Variants in CUL5 observed in about 807,000 individuals in gnomAD.
CUL5 encodes the protein cullin 5, also known as cullin-5.
A neutral mutation model predicts 108.8 loss-of-function variants in CUL5; 26 were observed. The ratio of observed to expected loss-of-function variants is 0.24; its 90% confidence interval spans 0.18 to 0.33. The LOEUF (loss-of-function observed/expected upper bound fraction) is 0.33, where lower values mean the gene tolerates loss of function less well. CUL5 is among the 10% of genes least tolerant of loss of function. The probability of loss-of-function intolerance (pLI) is 1.00; values close to 1 mark genes in which losing one functional copy is unlikely to be tolerated. For missense variants in CUL5, 524 were observed against 909.2 expected (o/e 0.58, Z 5.45); for synonymous variants, 334 against 298.0 (o/e 1.12, Z -1.25).
At chr11:108,043,936 T>C (rs145021412) in intron 2 of CUL5, among the ~76,000 whole-genome samples, 2,391 of 151,918 alleles carry the variant, frequency 0.016, 61 homozygotes, top group African/African-American at 0.055. Context: ...GGCAGGAGAA[T>C]CATTTGAACC....
At chr11:108,100,096 T>C (rs1864615754) in intron 18 of CUL5, among the ~76,000 whole-genome samples, 1 of 127,984 alleles carries the variant, frequency 7.8e-6, no homozygotes, top group African/African-American at 2.5e-5. Flanking sequence ...TTTTGGAATT[T>C]TACAAATTGT....
At chr11:108,093,257 C>T (rs1379773918) in intron 13 of CUL5, among the ~76,000 whole-genome samples, 4 of 150,916 alleles carry the variant, frequency 2.7e-5, no homozygotes, top group Non-Finnish European at 5.9e-5. Flanking sequence ...AGTTGTCACA[C>T]CCCCTGTAAT....
intron 1 of CUL5, among the ~76,000 whole-genome samples, chr11:108,030,341 T>G (rs1044032082): frequency 2.0e-5 from 3 of 152,186 alleles, no homozygotes; most frequent in Non-Finnish European, 4.4e-5. Context: ...TGGGTCCTTA[T>G]GATAAGAATA....
intron 1 of CUL5, among the ~76,000 whole-genome samples, chr11:108,032,555 G>A (rs745431124): frequency 6.6e-6 from 1 of 151,930 alleles, no homozygotes; most frequent in Non-Finnish European, 1.5e-5. Flanking sequence ...ACTTGAAAAG[G>A]AGTACTAATG....
chr11:108,060,531 G>C (rs1387968344), intron 7 of CUL5, among the ~76,000 whole-genome samples: 4 of 151,860 alleles, frequency 2.6e-5, no homozygotes, highest in Non-Finnish European at 5.9e-5. Flanking sequence ...TATGCAAATT[G>C]AATACCACTA....
intron 2 of CUL5, 33 bp from the exon 3 acceptor site, chr11:108,046,237 A>G (rs761306176): frequency 9.9e-6 from 14 of 1,409,318 alleles, no homozygotes; most frequent in South Asian, 2.4e-5. Context: ...TTGTTTCATT[A>G]TTAATGTTTG....
chr11:108,032,337 T>C (rs2135083773), intron 1 of CUL5, among the ~76,000 whole-genome samples: 1 of 151,898 alleles, frequency 6.6e-6, no homozygotes, highest in Non-Finnish European at 1.5e-5. Context: ...CAAGACCCCA[T>C]CTCTACAAAA....
At position 108,107,747 on chromosome 11, in the gene CUL5, AAATGT is replaced by A. The variant is rs1864834825; in HGVS notation, c.*3367_*3371del. 6.6e-6 allele frequency: 1 copy of A among 152,484 alleles called. No homozygotes were observed. The highest frequency in any genetic ancestry group is 1.5e-5 in the Non-Finnish European group (1 of 68,040). 9.4% of individuals were successfully genotyped at this position (152,484 alleles called of 1,614,324 possible). A position where few individuals can be genotyped will look rare whatever the true frequency, so the allele number is the denominator to read the frequency against. The stretch of plus-strand genomic sequence containing the variant: ...TATAATTTATTTTCTTGCAAAATAA[AAATGT>A]AATATAAAAGCTTTTACCTATCCAG... On this transcript the variant is annotated 3_prime_UTR_variant, in exon 19 of 19. Coordinates refer to ENST00000393094, the MANE Select transcript of CUL5 (RefSeq NM_003478.6).
chr11:108,019,251 A>G (rs1862273783), intron 1 of CUL5, among the ~76,000 whole-genome samples: 1 of 152,098 alleles, frequency 6.6e-6, no homozygotes, highest in African/African-American at 2.4e-5. Flanking sequence ...ACAGATACCA[A>G]GGGACAACTG....
chr11:108,038,662 C>A (rs561452553), intron 2 of CUL5, among the ~76,000 whole-genome samples: 1 of 139,066 alleles, frequency 7.2e-6, no homozygotes, highest in South Asian at 2.3e-4. Flanking sequence ...GAAACAAGAG[C>A]AAAACTCCAT....
intron 2 of CUL5, among the ~76,000 whole-genome samples, chr11:108,035,739 C>G (rs1164539932): frequency 6.7e-6 from 1 of 150,024 alleles, no homozygotes; most frequent in Non-Finnish European, 1.5e-5. Flanking sequence ...TGGGTGACAG[C>G]AAGACCTTGT....
rs568772527 is a variant in CUL5, at chr11:108,064,690, A to G, written c.781-5406A>G. ...ATGCCACTGCATTGCAGCCTGGGCA[A>G]CAGAGTGATACTCTGTCTCAAAAAA... On this transcript the variant is annotated intron_variant, in intron 7 of 18. Transcript: ENST00000393094. Among the ~76,000 whole-genome samples the G allele has an allele frequency of 3.9e-5, 6 of 152,308 alleles. No homozygotes were observed. The East Asian group carries it at 7.7e-4, about 20-fold the overall frequency.
At chr11:108,018,386 G>C (rs1472428935) in intron 1 of CUL5, among the ~76,000 whole-genome samples, 3 of 152,170 alleles carry the variant, frequency 2.0e-5, no homozygotes, top group African/African-American at 7.2e-5. Flanking sequence ...CTCAGAAAAG[G>C]CTGGGGGTGA....
chr11:108,047,446 T>C (rs1274162941), intron 3 of CUL5, among the ~76,000 whole-genome samples: 1 of 152,242 alleles, frequency 6.6e-6, no homozygotes, highest in African/African-American at 2.4e-5. Context: ...TTAAATCGTG[T>C]TATTAAATAC....
At chr11:108,085,036 A>G (rs1177012403) in intron 11 of CUL5, 7 of 152,362 alleles carry the variant, frequency 4.6e-5, no homozygotes, top group African/African-American at 7.2e-5. Context: ...AAGAAGGTCA[A>G]CAGAGTTGCT....
intron 3 of CUL5, among the ~76,000 whole-genome samples, chr11:108,047,222 CAGG>C (rs1863089471): frequency 6.6e-6 from 1 of 152,016 alleles, no homozygotes; most frequent in Non-Finnish European, 1.5e-5. Context: ...GAGGCTGAGG[CAGG>C]AGAATTGTGT....
chr11:108,062,932 G>A (rs1398188614), intron 7 of CUL5, among the ~76,000 whole-genome samples: 4 of 151,988 alleles, frequency 2.6e-5, no homozygotes, highest in Non-Finnish European at 5.9e-5. Context: ...CGCAACCTCC[G>A]CCTCCTGGGT....
At position 108,039,979 on chromosome 11, in the gene CUL5, A is replaced by G. The variant is rs555844086; in HGVS notation, c.134+6068A>G. Reference sequence around the variant, plus strand: ...AAAATACATATCATTTTATCACACCAGGGTCACACTATTTCTTGTTCTCTT... The same window carrying G: ...AAAATACATATCATTTTATCACACCGGGGTCACACTATTTCTTGTTCTCTT... On this transcript the variant is annotated intron_variant, in intron 2 of 18. Transcript: ENST00000393094. Among the ~76,000 whole-genome samples, 10 of 152,314 alleles carry G rather than the reference A, an allele frequency of 6.6e-5. No homozygotes were observed. In the East Asian group the frequency reaches 1.7e-3, roughly 26 times the overall value.
chr11:108,066,480 A>G (rs1305794685), intron 7 of CUL5, among the ~76,000 whole-genome samples: 1 of 152,126 alleles, frequency 6.6e-6, no homozygotes, highest in Non-Finnish European at 1.5e-5. Flanking sequence ...TTTTTTATTC[A>G]TACAACTCAC....
Sources: allele counts gnomAD v4.1 joint callset (sites outside exome capture counted in the v4.1 genomes callset), GRCh38; gene constraint gnomAD v4.1.1; transcripts MANE v1.5; gene names NCBI Gene and HGNC (gene_info 2026-07-23, HGNC 2026-07-21).